RLF: variants seen among roughly 807,000 people sequenced by gnomAD.
RLF encodes RLF zinc finger, also known as zinc finger protein Rlf.
RLF carries 7 observed loss-of-function variants against 162.9 expected under a neutral mutation model. The observed-to-expected ratio is 0.04, with a 90% CI of 0.02 to 0.08. RLF has a LOEUF of 0.08. RLF is among the 10% of genes least tolerant of loss of function. The pLI is 1.00. For synonymous variants in RLF, 782 were observed against 791.5 expected (o/e 0.99, Z 0.20); for missense variants, 1,664 against 2,244.7 (o/e 0.74, Z 5.23).
In RLF at chr1:40,193,146, A is replaced by AAAAGAGT. The variant is rs1397167739; in HGVS notation, c.474+2293_474+2294insAAAGAGT. Among the ~76,000 whole-genome samples, 10 of 151,544 alleles carry AAAAGAGT rather than the reference A, an allele frequency of 6.6e-5. 1 individual carries two copies. Among genetic ancestry groups the AAAAGAGT allele is most frequent in the Admixed American group, 2.0e-4 (3 of 15,216 alleles). ...TCTTAGCAAAAAAAAAAAAAAAAAAAGAGCATCTTGTGCTATTATTTCTGT... is the reference window on the plus strand; with the variant it reads ...TCTTAGCAAAAAAAAAAAAAAAAAAAAAAGAGTGAGCATCTTGTGCTATTATTTCTGT... On this transcript the variant is annotated intron_variant, in intron 3 of 7. Transcript: ENST00000372771.
At chr1:40,166,860 G>A (rs1189890624) in intron 1 of RLF, among the ~76,000 whole-genome samples, 1 of 133,586 alleles carries the variant, frequency 7.5e-6, no homozygotes, top group Non-Finnish European at 1.6e-5. Flanking sequence ...GTTGTGGGGT[G>A]GGGGGAGGGG....
At position 40,165,781 on chromosome 1, in the gene RLF, T is replaced by TC. The variant is rs979966433; in HGVS notation, c.237+4153dup. On this transcript the variant is annotated intron_variant, in intron 1 of 7. Coordinates refer to ENST00000372771, the MANE Select transcript of RLF (RefSeq NM_012421.4). ...TTATTCCCTAAAATACCTCAATTCC[T>TC]CCCCCCCCTCCGCCAAAGGAAAGAT... 7.2e-4 allele frequency among the ~76,000 whole-genome samples: 109 copies of TC among 151,160 alleles called. 1 individual carries two copies. In the South Asian group the frequency reaches 0.013, roughly 18 times the overall value.
chr1:40,200,992 G>A (rs1381575399), intron 4 of RLF, among the ~76,000 whole-genome samples: 1 of 78,090 alleles, frequency 1.3e-5, no homozygotes, highest in Non-Finnish European at 2.3e-5. Flanking sequence ...CACCCCAGTG[G>A]TTTATCCTTA....
chr1:40,192,918 T>G (rs1444618795), intron 3 of RLF, among the ~76,000 whole-genome samples: 1 of 152,182 alleles, frequency 6.6e-6, no homozygotes, highest in Non-Finnish European at 1.5e-5. Context: ...AATGATTTTT[T>G]AATGAAAAAT....
intron 6 of RLF, among the ~76,000 whole-genome samples, chr1:40,225,878 CAAAAAAAAA>C (rs71577617): frequency 1.4e-4 from 2 of 14,782 alleles, no homozygotes; most frequent in Admixed American, 9.7e-4. Context: ...GACTCCGTCG[CAAAAAAAAA>C]AAAAAAAAAA....
rs779861852 is a variant in RLF, at chr1:40,225,349, C to T, written c.947+2639C>T. ...ATCCCAGCAATTTGGGAGACTGAGG[C>T]GGGTGGATCATTTGAGGTCAGGAGT... On this transcript the variant is annotated intron_variant, in intron 6 of 7. Coordinates refer to ENST00000372771, the MANE Select transcript of RLF (RefSeq NM_012421.4). Among the ~76,000 whole-genome samples the T allele has an allele frequency of 3.3e-5, 5 of 151,878 alleles. 1 individual carries two copies. In the South Asian group the frequency reaches 1.0e-3, roughly 32 times the overall value.
intron 1 of RLF, among the ~76,000 whole-genome samples, chr1:40,178,634 T>TTG (rs1642362992): frequency 6.9e-6 from 1 of 145,892 alleles, no homozygotes; most frequent in African/African-American, 2.5e-5. Flanking sequence ...TTTTTTTTGT[T>TTG]TTTTTTTTTT....
Position 40,237,536 on chromosome 1 carries a change from T to C in RLF, c.2834T>C (p.Met945Thr), listed in dbSNP as rs569315881. ...PSSLKEKCSS[M>T]AVCFDGTKFT... ...AGTTTAAAAGAAAAATGTTCCAGTATGGCAGTTTGTTTTGACGGGACTAAG... is the reference window on the plus strand; with the variant it reads ...AGTTTAAAAGAAAAATGTTCCAGTACGGCAGTTTGTTTTGACGGGACTAAG... Residue 945 changes from methionine (M) to threonine (T), a missense_variant, in exon 8 of 8, where the codon ATG becomes ACG. By Grantham distance (81) the Met-to-Thr change is moderately conservative (BLOSUM62 -1). This residue lies in a region of RLF where 295 missense variants were observed against 317.4 expected (regional missense o/e 0.93). Coordinates refer to ENST00000372771, the MANE Select transcript of RLF (RefSeq NM_012421.4). The surrounding 1 kb of genome is among the most constrained non-coding windows in gnomAD (Gnocchi z 4.4). 2 of 1,614,164 alleles carry C rather than the reference T, an allele frequency of 1.2e-6. No individual in the cohort carries two copies. The highest frequency in any genetic ancestry group is 2.7e-5 in the African/African-American group (2 of 75,056).
intron 1 of RLF, among the ~76,000 whole-genome samples, chr1:40,174,691 G>T (rs1452530170): frequency 6.6e-6 from 1 of 152,032 alleles, no homozygotes; most frequent in Non-Finnish European, 1.5e-5. Flanking sequence ...AAAGGGGTGA[G>T]ATTTTTAAAA....
chr1:40,214,733 C>T (rs1266024363), intron 5 of RLF, among the ~76,000 whole-genome samples: 2 of 151,534 alleles, frequency 1.3e-5, no homozygotes, highest in African/African-American at 2.4e-5. Flanking sequence ...TCTACATGTG[C>T]AACATGTAGA....
intron 5 of RLF, among the ~76,000 whole-genome samples, chr1:40,211,762 C>T (rs1642868019): frequency 2.0e-5 from 3 of 152,118 alleles, no homozygotes; most frequent in East Asian, 1.9e-4. Context: ...GCTGGGATTA[C>T]GGGCACGTGC....
chr1:40,231,988 A>G (rs533351271), intron 7 of RLF, among the ~76,000 whole-genome samples: 8 of 152,250 alleles, frequency 5.3e-5, no homozygotes, highest in Non-Finnish European at 2.9e-5. Flanking sequence ...CGGGTGGATT[A>G]CTTGAGCTCA....
intron 5 of RLF, among the ~76,000 whole-genome samples, chr1:40,203,215 A>G (rs2124543199): frequency 6.7e-6 from 1 of 150,356 alleles, no homozygotes; most frequent in Admixed American, 6.6e-5. Context: ...CCCGGGTTCA[A>G]GTGATTCTTG....
intron 1 of RLF, among the ~76,000 whole-genome samples, chr1:40,166,028 A>G (rs753273585): frequency 7.2e-5 from 11 of 152,198 alleles, no homozygotes; most frequent in African/African-American, 1.4e-4. Context: ...TTCTGATTTC[A>G]GCAGGCAGAA....
intron 6 of RLF, among the ~76,000 whole-genome samples, chr1:40,227,204 C>T (rs1404230359): frequency 6.6e-6 from 1 of 152,150 alleles, no homozygotes; most frequent in African/African-American, 2.4e-5. Flanking sequence ...GCTAAATTTC[C>T]TTTCCGATTT....
At chr1:40,200,145 T>C (rs1422422946) in intron 4 of RLF, among the ~76,000 whole-genome samples, 1 of 152,172 alleles carries the variant, frequency 6.6e-6, no homozygotes, top group Non-Finnish European at 1.5e-5. Flanking sequence ...CCAAAAAACA[T>C]ACATCCCAAG....
intron 5 of RLF, among the ~76,000 whole-genome samples, chr1:40,212,362 G>A (rs542621114): frequency 2.6e-5 from 4 of 152,304 alleles, no homozygotes; most frequent in Admixed American, 1.3e-4. Context: ...ATGGAATCCT[G>A]GAGTTTTAGG....
intron 1 of RLF, among the ~76,000 whole-genome samples, chr1:40,174,228 A>G (rs1642284339): frequency 6.6e-6 from 1 of 152,040 alleles, no homozygotes; most frequent in Non-Finnish European, 1.5e-5. Flanking sequence ...AAAATCAGCT[A>G]GGCGCAGTGG....
chr1:40,163,998 T>A (rs2124521341), intron 1 of RLF, among the ~76,000 whole-genome samples: 2 of 152,304 alleles, frequency 1.3e-5, no homozygotes, highest in Admixed American at 1.3e-4. Flanking sequence ...GTTGAATAGC[T>A]CTTGGTTTCA....
Sources: allele counts gnomAD v4.1 joint callset (sites outside exome capture counted in the v4.1 genomes callset), GRCh38; gene constraint gnomAD v4.1.1; regional missense constraint gnomAD v4.1.1; non-coding constraint Gnocchi (gnomAD v3.1); transcripts MANE v1.5; gene names NCBI Gene and HGNC (gene_info 2026-07-23, HGNC 2026-07-21).